Variants in FAM149A observed in about 807,000 individuals in gnomAD.
FAM149A encodes the protein family with sequence similarity 149 member A.
In FAM149A, 71 loss-of-function variants were observed where a neutral mutation model predicts 78.2. The ratio of observed to expected loss-of-function variants is 0.91; its 90% CI spans 0.75 to 1.11. The LOEUF (loss-of-function observed/expected upper bound fraction) is 1.11, where lower values mean the gene tolerates loss of function less well. Among genes scored for constraint, FAM149A ranks in the 50% least tolerant of loss-of-function variants. The probability of loss-of-function intolerance (pLI) is 0.00; values close to 1 mark genes in which losing one functional copy is unlikely to be tolerated. For synonymous variants in FAM149A, 446 were observed against 410.5 expected (o/e 1.09, Z -1.04); for missense variants, 1,036 against 971.0 (o/e 1.07, Z -0.89).
chr4:186,153,596 T>G, intron 4 of FAM149A, 49 bp from the exon 5 acceptor site: 2 of 1,581,968 alleles, frequency 1.3e-6, no homozygotes, highest in Non-Finnish European at 1.7e-6. Context: ...TCCAAACATT[T>G]TCCCTTTGTC....
At position 186,171,972 on chromosome 4, in the gene FAM149A, C is replaced by T; in HGVS notation, c.2277C>T (p.Phe759=). The change falls in exon 14 of 14, where the codon TTC becomes TTT. Residue 759 remains phenylalanine (F), a synonymous_variant. Transcript: ENST00000389354. ...CAACTTTGACTTTCAAGAGGAGATTCCAAGTGACATCTTGAAACCACCTCA... is the reference window on the plus strand; with the variant it reads ...CAACTTTGACTTTCAAGAGGAGATTTCAAGTGACATCTTGAAACCACCTCA... 1 of 1,611,976 alleles carries T rather than the reference C, an allele frequency of 6.2e-7. No individual in the cohort carries two copies. The highest frequency in any genetic ancestry group is 2.2e-5 in the East Asian group (1 of 44,758).
intron 1 of FAM149A, among the ~76,000 whole-genome samples, chr4:186,147,456 A>C (rs1733145386): frequency 6.6e-6 from 1 of 152,212 alleles, no homozygotes; most frequent in African/African-American, 2.4e-5. Flanking sequence ...ACTGACTGAC[A>C]CTTCATATAC....
chr4:186,150,223 A>T (rs1172280573), intron 3 of FAM149A, among the ~76,000 whole-genome samples: 4 of 151,688 alleles, frequency 2.6e-5, no homozygotes, highest in Non-Finnish European at 4.4e-5. Flanking sequence ...CTTGCTCAGG[A>T]GCTCACTGGC....
chr4:186,165,367 C>T lies in FAM149A; in HGVS notation c.1913C>T (p.Ala638Val), dbSNP rs761401498. The T allele has an allele frequency of 1.9e-6, 3 of 1,614,214 alleles. No homozygotes were observed. Among genetic ancestry groups the T allele is most frequent in the Non-Finnish European group, 2.5e-6 (3 of 1,180,038 alleles). The change falls in exon 11 of 14, where the codon GCT becomes GTT. Residue 638 changes from alanine to valine, a missense_variant. This residue lies in a region of FAM149A where 716 missense variants were observed against 711.8 expected (regional missense o/e 1.01). Coordinates refer to ENST00000389354, the MANE Select transcript of FAM149A (RefSeq NM_001367768.3). The stretch of plus-strand genomic sequence containing the variant: ...AGGCCGACTGGCGTGGACCACATGG[C>T]TTCCCCACTGGTTCAAACGTCACGG...
intron 4 of FAM149A, among the ~76,000 whole-genome samples, chr4:186,152,885 G>T (rs1733717846): frequency 6.6e-6 from 1 of 152,108 alleles, no homozygotes. Context: ...AACGTACTGG[G>T]GGACAGTTTA....
chr4:186,158,074 T>G, intron 8 of FAM149A: 1 of 1,362,496 alleles, frequency 7.3e-7, no homozygotes. Context: ...GAGAAGCTGC[T>G]GCTGGCAGCT....
rs373917190 is a variant in FAM149A, at chr4:186,158,112, T to C, written c.1575+393T>C. ...TGCCATTGTTGCTGTTGAACCCTGCTGAGGTCCCTGTCTTGCTCCAGGAAC... is the reference window on the plus strand; with the variant it reads ...TGCCATTGTTGCTGTTGAACCCTGCCGAGGTCCCTGTCTTGCTCCAGGAAC... On this transcript the variant is annotated intron_variant, in intron 8 of 13. Transcript: ENST00000389354. 64 of 1,316,738 alleles carry C rather than the reference T, an allele frequency of 4.9e-5. No homozygotes were observed. The East Asian group carries it at 1.4e-3, about 29-fold the overall frequency. The allele number at this position is 1,316,738 out of a possible 1,614,324, so 81.6% of individuals were successfully genotyped here.
In FAM149A at chr4:186,165,421, C is replaced by T; in HGVS notation, c.1967C>T (p.Thr656Ile). 6.2e-7 allele frequency: 1 copy of T among 1,614,082 alleles called. No individual in the cohort carries two copies. The highest frequency in any genetic ancestry group is 8.5e-7 in the Non-Finnish European group (1 of 1,179,940). Residue 656 changes from threonine (T) to isoleucine (I), a missense_variant, in exon 11 of 14, where the codon ACC (threonine) becomes ATC (isoleucine). By Grantham distance (89) the Thr-to-Ile change is moderately conservative. Transcript: ENST00000389354. ...AGGTTCCCCCCGCTAGTCACGGAGA[C>T]CAGGGGGCAGAATACAGCAGTTCCT... is the stretch of plus-strand genomic sequence containing the variant.
chr4:186,116,379 A>G, intron 1 of FAM149A: 10 of 704,620 alleles, frequency 1.4e-5, no homozygotes, highest in Non-Finnish European at 1.7e-5. Flanking sequence ...TGGGAGCTGT[A>G]GACCGGAGCT....
At chr4:186,132,094 A>G in intron 1 of FAM149A, 1 of 985,490 alleles carries the variant, frequency 1.0e-6, no homozygotes, top group Non-Finnish European at 1.2e-6. Context: ...ATAACACGTC[A>G]TTTCCACAGC....
chr4:186,136,825 G>T (rs990903940), intron 1 of FAM149A, among the ~76,000 whole-genome samples: 36 of 152,292 alleles, frequency 2.4e-4, no homozygotes, highest in African/African-American at 7.0e-4. Flanking sequence ...CTAAGAAGGT[G>T]GCTCTGCCTT....
At position 186,157,732 on chromosome 4, in the gene FAM149A, A is replaced by T; in HGVS notation, c.1575+13A>T. ...GAACCCGCCCCAGGTCGGTGCTTTC[A>T]CACCCTTCTCCCTCTTGCCTTCACT... On this transcript the variant is annotated intron_variant, in intron 8 of 13. Coordinates refer to ENST00000389354, the MANE Select transcript of FAM149A (RefSeq NM_001367768.3). The T allele has an allele frequency of 6.3e-7, 1 of 1,598,448 alleles. No individual in the cohort carries two copies. Among genetic ancestry groups the T allele is most frequent in the East Asian group, 2.2e-5 (1 of 44,692 alleles).
chr4:186,134,697 C>A (rs2099322026), intron 1 of FAM149A, among the ~76,000 whole-genome samples: 1 of 152,154 alleles, frequency 6.6e-6, no homozygotes, highest in South Asian at 2.1e-4. Flanking sequence ...GATTTACTTA[C>A]AATTAAAGCT....
In FAM149A at chr4:186,140,951, G is replaced by A. The variant is rs550826261; in HGVS notation, c.567-8222G>A. ...TGACAAGTCACAAGGCCTTCAAGGT[G>A]AATGGCCAAGTTGGAGATCCAGGAG... On this transcript the variant is annotated intron_variant, in intron 1 of 13. Transcript: ENST00000389354. 7.9e-5 allele frequency among the ~76,000 whole-genome samples: 12 copies of A among 152,330 alleles called. No individual in the cohort carries two copies. The East Asian group carries it at 1.2e-3, about 15-fold the overall frequency.
intron 1 of FAM149A, chr4:186,117,995 G>T: frequency 1.0e-6 from 1 of 985,426 alleles, no homozygotes; most frequent in Non-Finnish European, 1.2e-6. Flanking sequence ...GGTTTGTCAT[G>T]CAGATGAGGA....
intron 13 of FAM149A, 64 bp from the exon 14 acceptor site, chr4:186,171,850 A>C: frequency 7.3e-7 from 1 of 1,363,294 alleles, no homozygotes; most frequent in South Asian, 1.4e-5. Context: ...GTACAAAACA[A>C]TCGTTCTGAG....
intron 1 of FAM149A, chr4:186,109,226 A>T: frequency 1.0e-6 from 1 of 980,992 alleles, no homozygotes; most frequent in Non-Finnish European, 1.2e-6. Flanking sequence ...ATTGCTGTGT[A>T]TGAATGTTGG....
chr4:186,167,365 G>A, intron 13 of FAM149A, 103 bp downstream of exon 13: 2 of 1,132,560 alleles, frequency 1.8e-6, no homozygotes, highest in Non-Finnish European at 2.7e-6. Context: ...CTATTTTGCT[G>A]TAGGAGGGAA....
At chr4:186,157,027 T>C (rs28655339) in intron 7 of FAM149A, among the ~76,000 whole-genome samples, 15,254 of 152,254 alleles carry the variant, frequency 0.1, 1,342 homozygotes, top group African/African-American at 0.23. Context: ...CTAGAAGTCA[T>C]GTTTTTTGTT....
Sources: allele counts gnomAD v4.1 joint callset (sites outside exome capture counted in the v4.1 genomes callset), GRCh38; gene constraint gnomAD v4.1.1; regional missense constraint gnomAD v4.1.1; transcripts MANE v1.5; gene names NCBI Gene and HGNC (gene_info 2026-07-23, HGNC 2026-07-21).